NOTCH2: variants seen among roughly 807,000 people sequenced by gnomAD.
NOTCH2 encodes notch receptor 2.
NOTCH2 carries 29 observed loss-of-function variants against 235.8 expected under a neutral mutation model. That is an observed-to-expected ratio of 0.12 (90% confidence interval 0.09 to 0.17). NOTCH2 has a LOEUF of 0.17. Among genes scored for constraint, NOTCH2 ranks in the 10% least tolerant of loss-of-function variants. NOTCH2 has a pLI of 1.00. For synonymous variants in NOTCH2, 1,086 were observed against 1,141.5 expected (o/e 0.95, Z 0.98); for missense variants, 2,285 against 3,150.2 (o/e 0.73, Z 6.57).
chr1:119,981,982 T>C (rs1204241398), intron 5 of NOTCH2, among the ~76,000 whole-genome samples: 1 of 151,514 alleles, frequency 6.6e-6, no homozygotes, highest in African/African-American at 2.4e-5. Context: ...GAGAAAAGCC[T>C]TACTCTAGAG....
At chr1:120,004,977 G>A (rs1326690094) in intron 3 of NOTCH2, among the ~76,000 whole-genome samples, 3 of 152,126 alleles carry the variant, frequency 2.0e-5, no homozygotes, top group East Asian at 3.9e-4. Context: ...TTGTAGAGAT[G>A]GGGTCTTGCT....
At chr1:119,922,467 G>C (rs766127481) in intron 27 of NOTCH2, 21 bp from the exon 28 acceptor site, 8 of 1,604,056 alleles carry the variant, frequency 5.0e-6, no homozygotes, top group South Asian at 2.2e-5. Flanking sequence ...ACAGAGACAG[G>C]GAAAGTGCTG....
chr1:119,984,235 C>A (rs587711641), intron 5 of NOTCH2, among the ~76,000 whole-genome samples: 4 of 152,036 alleles, frequency 2.6e-5, no homozygotes, highest in Admixed American at 6.6e-5. Flanking sequence ...TTAAAAAACA[C>A]CCCAAGTTCT....
At position 119,914,555 on chromosome 1, in the gene NOTCH2, T is replaced by G. The variant is rs1263143245; in HGVS notation, c.*751A>C. 4.3e-6 allele frequency: 1 copy of G among 233,532 alleles called. No individual in the cohort carries two copies. The highest frequency in any genetic ancestry group is 2.2e-5 in the African/African-American group (1 of 45,310). 14.5% of individuals were successfully genotyped at this position (233,532 alleles called of 1,614,324 possible). On this transcript the variant is annotated 3_prime_UTR_variant, in exon 34 of 34. Coordinates refer to ENST00000256646, the MANE Select transcript of NOTCH2 (RefSeq NM_024408.4). ...TGAAGGGATCTCCTGCCCCCAAAATTTGTTGAAGAAAAGTATTCTTCTCCC... is the reference window on the plus strand; with the variant it reads ...TGAAGGGATCTCCTGCCCCCAAAATGTGTTGAAGAAAAGTATTCTTCTCCC...
At chr1:119,985,758 G>T (rs1425374845) in intron 5 of NOTCH2, among the ~76,000 whole-genome samples, 1 of 152,092 alleles carries the variant, frequency 6.6e-6, no homozygotes, top group Non-Finnish European at 1.5e-5. Context: ...TGAAAAAATA[G>T]CCTCTGAAAA....
intron 2 of NOTCH2, among the ~76,000 whole-genome samples, chr1:120,006,437 T>G (rs1652979972): frequency 6.7e-6 from 1 of 148,698 alleles, no homozygotes; most frequent in African/African-American, 2.5e-5. Flanking sequence ...ACCCCTTGAT[T>G]CATAAGATGT....
chr1:120,047,539 C>T (rs1222103664), intron 1 of NOTCH2, among the ~76,000 whole-genome samples: 24 of 88,766 alleles, frequency 2.7e-4, no homozygotes, highest in Non-Finnish European at 4.5e-4. Context: ...AAAAATTAGC[C>T]GGGTGGTAGT....
chr1:119,915,724 G>T lies in NOTCH2; in HGVS notation c.6998C>A (p.Ala2333Glu), dbSNP rs768047492. The stretch of plus-strand genomic sequence containing the variant: ...CTGGTACATGGTGGGCAGGGGGCCC[G>T]CAACAGCTGGAGGGCAGGTGGACTG... ...QPQSTCPPAV[A>E]GPLPTMYQIP... Residue 2333 changes from alanine (A) to glutamate (E), a missense_variant, in exon 34 of 34, where the codon GCG becomes GAG. Ala to Glu is a moderately radical substitution (Grantham distance 107). Coordinates refer to ENST00000256646, the MANE Select transcript of NOTCH2 (RefSeq NM_024408.4). 1.2e-6 allele frequency: 2 copies of T among 1,607,966 alleles called. No individual in the cohort carries two copies. The highest frequency in any genetic ancestry group is 2.7e-5 in the African/African-American group (2 of 74,874).
At chr1:119,934,751 C>T (rs782813869) in intron 22 of NOTCH2, among the ~76,000 whole-genome samples, 1 of 152,296 alleles carries the variant, frequency 6.6e-6, no homozygotes, top group East Asian at 1.9e-4. Flanking sequence ...GTGTGGATGG[C>T]CTTTTACATT....
At chr1:119,935,249 A>G in intron 22 of NOTCH2, 1 of 1,446,134 alleles carries the variant, frequency 6.9e-7, no homozygotes, top group Non-Finnish European at 9.1e-7. Context: ...TGGAATATCA[A>G]GATGCCAAAC....
At chr1:120,030,153 A>G (rs1654037719) in intron 1 of NOTCH2, among the ~76,000 whole-genome samples, 166 bp from the exon 2 acceptor site, 1 of 152,070 alleles carries the variant, frequency 6.6e-6, no homozygotes, top group African/African-American at 2.4e-5. Context: ...ACAGAAGCCC[A>G]TCCCAAAACT....
chr1:120,000,339 T>C (rs185655793), intron 3 of NOTCH2, among the ~76,000 whole-genome samples: 12 of 152,066 alleles, frequency 7.9e-5, no homozygotes, highest in Non-Finnish European at 1.2e-4. Flanking sequence ...ATCCAGACCA[T>C]TGTGGCTAAC....
chr1:119,958,454 T>A (rs1311175299), intron 12 of NOTCH2, among the ~76,000 whole-genome samples: 1 of 152,246 alleles, frequency 6.6e-6, no homozygotes, highest in African/African-American at 2.4e-5. Context: ...GCAGACTCTA[T>A]CAAAAACTCT....
At chr1:119,937,178 AC>A (rs1649884262) in intron 21 of NOTCH2, 103 bp downstream of exon 21, 3 of 1,160,262 alleles carry the variant, frequency 2.6e-6, no homozygotes, top group Non-Finnish European at 3.9e-6. Context: ...AAATCTATAA[AC>A]TATCAATATA....
At chr1:120,042,041 T>A (rs1381171523) in intron 1 of NOTCH2, among the ~76,000 whole-genome samples, 2 of 137,948 alleles carry the variant, frequency 1.4e-5, no homozygotes, top group African/African-American at 6.1e-5. Flanking sequence ...TGGCCTACCT[T>A]CCATTTCATC....
chr1:119,927,788 T>G (rs587645173), intron 23 of NOTCH2, among the ~76,000 whole-genome samples: 1 of 152,234 alleles, frequency 6.6e-6, no homozygotes, highest in African/African-American at 2.4e-5. Flanking sequence ...ATTGCCTCAA[T>G]AGCTATTATG....
rs753813620 is a variant in NOTCH2 at position 119,915,959 on chromosome 1, T to A, written c.6763A>T (p.Asn2255Tyr). 1.2e-6 allele frequency: 2 copies of A among 1,614,124 alleles called. No homozygotes were observed. The highest frequency in any genetic ancestry group is 8.5e-7 in the Non-Finnish European group (1 of 1,180,036). The change falls in exon 34 of 34, where the codon AAC becomes TAC. Residue 2255 changes from asparagine (N) to tyrosine (Y), a missense_variant. Around this residue, in one of 6 missense-constraint regions of NOTCH2, gnomAD observed 504 missense variants for 538.0 expected, o/e 0.94. Transcript: ENST00000256646. ...TGGGTCTCATTCACCTCCATGCGGT[T>A]CATCCAATCTGCTGGGACTGGGACT... ...HPVPVPADWM[N>Y]RMEVNETQYN... is the part of the protein sequence containing the mutation.
chr1:119,977,277 T>A (rs1651622584), intron 5 of NOTCH2, among the ~76,000 whole-genome samples: 1 of 152,084 alleles, frequency 6.6e-6, no homozygotes, highest in Admixed American at 6.6e-5. Context: ...CTACCCAAAG[T>A]GTCCGTCACC....
chr1:119,974,147 T>C lies in NOTCH2; in HGVS notation c.875-4403A>G, dbSNP rs782396369. The stretch of plus-strand genomic sequence containing the variant: ...GGTGAAACAGGAGAGCTGTATTGTT[T>C]CCATGTCCTACCAAGCTACTAAATC... On this transcript the variant is annotated intron_variant, in intron 5 of 33. Transcript: ENST00000256646. 1.2e-4 allele frequency among the ~76,000 whole-genome samples: 18 copies of C among 152,330 alleles called. 1 individual carries two copies. Among genetic ancestry groups the C allele is most frequent in the Admixed American group, 3.3e-4 (5 of 15,302 alleles).
Sources: allele counts gnomAD v4.1 joint callset (sites outside exome capture counted in the v4.1 genomes callset), GRCh38; gene constraint gnomAD v4.1.1; regional missense constraint gnomAD v4.1.1; transcripts MANE v1.5; gene names NCBI Gene and HGNC (gene_info 2026-07-23, HGNC 2026-07-21).